The following ASTN2 variants were observed in gnomAD, a reference collection of about 807,000 sequenced individuals.
ASTN2 encodes astrotactin-2.
In ASTN2, 54 loss-of-function variants were observed where a neutral mutation model predicts 139.8. The ratio of observed to expected loss-of-function variants is 0.39; its 90% CI spans 0.31 to 0.48. ASTN2 has a LOEUF of 0.48. Among genes scored for constraint, ASTN2 ranks in the 20% least tolerant of loss-of-function variants. The probability of loss-of-function intolerance (pLI) is 0.95; values close to 1 mark genes in which losing one functional copy is unlikely to be tolerated. For synonymous variants in ASTN2, 756 were observed against 719.5 expected (o/e 1.05, Z -0.81); for missense variants, 1,565 against 1,725.1 (o/e 0.91, Z 1.64).
chr9:116,962,071 T>C (rs1835889239), intron 10 of ASTN2, among the ~76,000 whole-genome samples: 1 of 152,224 alleles, frequency 6.6e-6, no homozygotes, highest in Non-Finnish European at 1.5e-5. Flanking sequence ...TTTAGCACCA[T>C]AGCCTGTACC....
At chr9:116,914,148 G>C (rs997040947) in intron 10 of ASTN2, among the ~76,000 whole-genome samples, 1 of 151,606 alleles carries the variant, frequency 6.6e-6, no homozygotes, top group South Asian at 2.1e-4. Context: ...AGAAGAACTC[G>C]TGCTATGGGG....
intron 6 of ASTN2, among the ~76,000 whole-genome samples, chr9:117,016,642 A>C (rs1238520329): frequency 1.4e-4 from 3 of 21,046 alleles, no homozygotes; most frequent in East Asian, 7.7e-4. Context: ...ATATATATAT[A>C]TATATATATA....
At chr9:116,710,322 GTATC>G (rs1303987639) in intron 16 of ASTN2, among the ~76,000 whole-genome samples, 1 of 151,994 alleles carries the variant, frequency 6.6e-6, no homozygotes, top group Non-Finnish European at 1.5e-5. Context: ...TGTGTGTGTG[GTATC>G]ATCAGCCTCA....
At chr9:117,298,324 C>T (rs1452700166) in intron 1 of ASTN2, among the ~76,000 whole-genome samples, 1 of 152,094 alleles carries the variant, frequency 6.6e-6, no homozygotes, top group East Asian at 1.9e-4. Flanking sequence ...TGTGCTCCTC[C>T]ATGCTTTCAT....
chr9:116,717,099 G>A (rs111492477), intron 16 of ASTN2, among the ~76,000 whole-genome samples: 2,327 of 152,282 alleles, frequency 0.015, 62 homozygotes, highest in African/African-American at 0.054. Flanking sequence ...GTTTCCTCAA[G>A]CATGAAATGC....
chr9:116,483,842 G>A (rs1849250661), intron 20 of ASTN2, among the ~76,000 whole-genome samples: 1 of 152,182 alleles, frequency 6.6e-6, no homozygotes, highest in Non-Finnish European at 1.5e-5. Flanking sequence ...AACAGGGAAG[G>A]AATCTGAACA....
chr9:116,947,550 T>A (rs1392650763), intron 10 of ASTN2, among the ~76,000 whole-genome samples: 4 of 152,196 alleles, frequency 2.6e-5, no homozygotes, highest in Non-Finnish European at 5.9e-5. Flanking sequence ...TTTTTCTTAC[T>A]CATGAGGATA....
At chr9:116,483,892 A>T (rs111890720) in intron 20 of ASTN2, among the ~76,000 whole-genome samples, 22 of 152,330 alleles carry the variant, frequency 1.4e-4, no homozygotes, top group African/African-American at 5.3e-4. Context: ...GTAGCAGGGC[A>T]TGAGCCCAGA....
At chr9:116,597,241 T>A (rs1854623069) in intron 19 of ASTN2, among the ~76,000 whole-genome samples, 1 of 151,440 alleles carries the variant, frequency 6.6e-6, no homozygotes, top group South Asian at 2.1e-4. Flanking sequence ...GTGATCCAAC[T>A]CTTTGAAACT....
intron 3 of ASTN2, among the ~76,000 whole-genome samples, chr9:117,175,274 GT>G (rs573245987): frequency 2.6e-5 from 4 of 152,064 alleles, no homozygotes; most frequent in Admixed American, 6.6e-5. Context: ...TAGATAAAAT[GT>G]TTAGATGTTT....
At chr9:116,439,946 C>T (rs1416445805) in intron 22 of ASTN2, among the ~76,000 whole-genome samples, 16 of 152,176 alleles carry the variant, frequency 1.1e-4, no homozygotes, top group Admixed American at 1.0e-3. Context: ...GCAGCCACCA[C>T]ATAAGAGGTG....
At chr9:116,560,279 G>C (rs1437987046) in intron 19 of ASTN2, among the ~76,000 whole-genome samples, 2 of 152,124 alleles carry the variant, frequency 1.3e-5, no homozygotes, top group South Asian at 4.1e-4. Context: ...TAACTCACTA[G>C]CTCCTTCACT....
intron 10 of ASTN2, among the ~76,000 whole-genome samples, chr9:116,951,918 T>C (rs1020758828): frequency 6.6e-6 from 1 of 152,206 alleles, no homozygotes; most frequent in African/African-American, 2.4e-5. Context: ...CCTAACCCCA[T>C]AGTTTCAAAT....
chr9:116,670,309 T>C (rs1859115778), intron 16 of ASTN2, among the ~76,000 whole-genome samples: 1 of 152,104 alleles, frequency 6.6e-6, no homozygotes, highest in African/African-American at 2.4e-5. Flanking sequence ...GATGATATGA[T>C]GATGATCATG....
In ASTN2 at chr9:116,698,220, A is replaced by T. The variant is rs1195083986; in HGVS notation, c.2806+27551T>A. The T allele has an allele frequency of 6.2e-7, 1 of 1,614,132 alleles. No homozygotes were observed. The highest frequency in any genetic ancestry group is 8.5e-7 in the Non-Finnish European group (1 of 1,180,034). On this transcript the variant is annotated intron_variant, in intron 16 of 22. Transcript: ENST00000313400. This position sits in a 1 kb window ranked among gnomAD's most constrained non-coding sequence, Gnocchi z 4.4. ...GAAGTTAACTCGTCTGCGGGAACTT[A>T]TGGGGGAGCTGCAGCGGCGGAAGGC...
chr9:117,077,293 G>A (rs1828306548), intron 5 of ASTN2, among the ~76,000 whole-genome samples: 1 of 152,184 alleles, frequency 6.6e-6, no homozygotes, highest in Non-Finnish European at 1.5e-5. Flanking sequence ...TCTCCTATCT[G>A]GGTGAAGTTC....
intron 4 of ASTN2, among the ~76,000 whole-genome samples, chr9:117,111,667 G>A (rs146150081): frequency 9.2e-5 from 14 of 152,158 alleles, no homozygotes; most frequent in East Asian, 7.7e-4. Context: ...CAAATTTGAT[G>A]TAAGATATAA....
Position 117,003,787 on chromosome 9 carries a change from G to T in ASTN2, c.1591+4305C>A, listed in dbSNP as rs147802726. On this transcript the variant is annotated intron_variant, in intron 7 of 22. Coordinates refer to ENST00000313400, the MANE Select transcript of ASTN2 (RefSeq NM_001365068.1). Reference sequence around the variant, plus strand: ...CTTCACAGATGGAGGCAAAGAAGGGGACCCCTTCTGTTCCTTCCACCAATA... The same window carrying T: ...CTTCACAGATGGAGGCAAAGAAGGGTACCCCTTCTGTTCCTTCCACCAATA... Among the ~76,000 whole-genome samples the T allele has an allele frequency of 5.1e-3, 767 of 151,584 alleles. 5 individuals are homozygous for T. Among genetic ancestry groups the T allele is most frequent in the African/African-American group, 0.018 (730 of 41,302 alleles).
chr9:116,442,182 G>T (rs1418328562), intron 21 of ASTN2, among the ~76,000 whole-genome samples: 1 of 152,156 alleles, frequency 6.6e-6, no homozygotes, highest in African/African-American at 2.4e-5. Context: ...ACCATTTGTG[G>T]CCTGTAAGTC....
Sources: allele counts gnomAD v4.1 joint callset (sites outside exome capture counted in the v4.1 genomes callset), GRCh38; gene constraint gnomAD v4.1.1; non-coding constraint Gnocchi (gnomAD v3.1); transcripts MANE v1.5; gene names NCBI Gene and HGNC (gene_info 2026-07-23, HGNC 2026-07-21).